PXK: variants seen among roughly 807,000 people sequenced by gnomAD.
The protein encoded by PXK is PX domain-containing protein kinase-like protein.
PXK carries 35 observed loss-of-function variants against 84.7 expected under a neutral mutation model. The ratio of observed to expected loss-of-function variants is 0.41; its 90% CI spans 0.32 to 0.55. PXK has a LOEUF of 0.55. Among genes scored for constraint, PXK ranks in the 20% least tolerant of loss-of-function variants. The probability of loss-of-function intolerance (pLI) is 0.21; values close to 1 mark genes in which losing one functional copy is unlikely to be tolerated. For missense variants in PXK, 634 were observed against 699.7 expected, an observed-to-expected ratio of 0.91 and a Z score of 1.06; for synonymous variants, 253 against 260.8, an observed-to-expected ratio of 0.97 and a Z score of 0.29.
chr3:58,382,509 T>TTA lies in PXK; in HGVS notation c.202-5_202-4insTA. On this transcript the variant is annotated splice_polypyrimidine_tract_variant and splice_region_variant and intron_variant, in intron 3 of 17. Coordinates refer to ENST00000356151, the MANE Select transcript of PXK (RefSeq NM_017771.5). ...GAGTGTAACTTTTTTTTTTTTTTTT[T>TTA]AAAGATTGCAGGCCTAAGTCTACCT... 7.9e-6 allele frequency: 12 copies of TTA among 1,512,778 alleles called. No individual in the cohort carries two copies. Among genetic ancestry groups the TTA allele is most frequent in the Middle Eastern group, 2.1e-4 (1 of 4,838 alleles). The allele number at this position is 1,512,778 out of a possible 1,614,324, so 93.7% of individuals were successfully genotyped here. A position where few individuals can be genotyped will look rare whatever the true frequency, so the allele number is the denominator to read the frequency against.
At chr3:58,343,227 T>A (rs1245744752) in intron 1 of PXK, among the ~76,000 whole-genome samples, 1 of 152,218 alleles carries the variant, frequency 6.6e-6, no homozygotes, top group Non-Finnish European at 1.5e-5. Context: ...GGGCAGGGAC[T>A]CATTGCACTT....
intron 1 of PXK, among the ~76,000 whole-genome samples, chr3:58,350,149 G>A (rs1436036910): frequency 1.3e-5 from 2 of 152,114 alleles, no homozygotes; most frequent in African/African-American, 4.8e-5. Flanking sequence ...TCCACTTTAG[G>A]CATGTTCTTA....
chr3:58,365,931 A>ATATT lies in PXK; in HGVS notation c.153+8_153+9insATTT. 1.3e-6 allele frequency: 2 copies of ATATT among 1,492,568 alleles called. No homozygotes were observed. Among genetic ancestry groups the ATATT allele is most frequent in the Non-Finnish European group, 1.8e-6 (2 of 1,124,888 alleles). The allele number at this position is 1,492,568 out of a possible 1,614,324, so 92.5% of individuals were successfully genotyped here. On this transcript the variant is annotated splice_region_variant and intron_variant, in intron 2 of 17. Transcript: ENST00000356151. Reference sequence around the variant, plus strand: ...TGTGGAAAACAGCTGGCAGGTAAGCATCTTTTTTTTTTTTTTTGTCAATTA... The same window carrying ATATT: ...TGTGGAAAACAGCTGGCAGGTAAGCATATTTCTTTTTTTTTTTTTTTGTCAATTA...
intron 7 of PXK, among the ~76,000 whole-genome samples, chr3:58,392,931 A>G (rs1322304829): frequency 6.6e-6 from 1 of 152,078 alleles, no homozygotes; most frequent in Non-Finnish European, 1.5e-5. Context: ...AAGTGCTGGG[A>G]TGACAGGTGT....
At chr3:58,382,919 A>G (rs11921259) in intron 4 of PXK, among the ~76,000 whole-genome samples, 42,538 of 152,228 alleles carry the variant, frequency 0.28, 6,965 homozygotes, top group Middle Eastern at 0.39. Flanking sequence ...GTCTGCACAG[A>G]AAAATATGGA....
intron 4 of PXK, among the ~76,000 whole-genome samples, chr3:58,384,948 C>A (rs914843044): frequency 3.9e-5 from 6 of 152,296 alleles, no homozygotes; most frequent in South Asian, 2.1e-4. Context: ...TCACCTAAGG[C>A]CCCCAGAGAG....
intron 1 of PXK, among the ~76,000 whole-genome samples, chr3:58,339,189 T>A (rs1383232547): frequency 6.6e-6 from 1 of 151,860 alleles, no homozygotes; most frequent in Non-Finnish European, 1.5e-5. Flanking sequence ...AGACGTTGGT[T>A]TTTTTGTTGT....
At chr3:58,394,273 C>T (rs187368806) in intron 7 of PXK, among the ~76,000 whole-genome samples, 30 of 152,292 alleles carry the variant, frequency 2.0e-4, no homozygotes, top group Non-Finnish European at 3.5e-4. Context: ...CCTGTCTGGA[C>T]CCAGTTTGTT....
chr3:58,379,680 G>A lies in PXK; in HGVS notation c.202-2834G>A, dbSNP rs1439238585. Among the ~76,000 whole-genome samples, 1 of 151,978 alleles carries A rather than the reference G, an allele frequency of 6.6e-6. No individual in the cohort carries two copies. Among genetic ancestry groups the A allele is most frequent in the Non-Finnish European group, 1.5e-5 (1 of 68,016 alleles). ...AGATAAGAAATGGTATTACATTCAA[G>A]GTGCTATTAAGGAAGAAAAAGAATA... is the stretch of plus-strand genomic sequence containing the variant. On this transcript the variant is annotated intron_variant, in intron 3 of 17. Coordinates refer to ENST00000356151, the MANE Select transcript of PXK (RefSeq NM_017771.5). This position sits in a 1 kb window ranked among gnomAD's most constrained non-coding sequence, Gnocchi z 5.1.
chr3:58,349,035 C>T (rs557062864), intron 1 of PXK, among the ~76,000 whole-genome samples: 9 of 152,068 alleles, frequency 5.9e-5, no homozygotes, highest in Admixed American at 2.6e-4. Flanking sequence ...GCTCAGTAGC[C>T]ACATATTGCT....
At position 58,409,556 on chromosome 3, in the gene PXK, A is replaced by G. The variant is rs1378773454; in HGVS notation, c.1333A>G (p.Arg445Gly). ...KQIHQHRRLT[R>G]AQSHHGSEEE... Reference sequence around the variant, plus strand: ...GATTCACCAGCATCGAAGACTGACAAGAGCTCAGTCCCACCATGGATCTGA... The same window carrying G: ...GATTCACCAGCATCGAAGACTGACAGGAGCTCAGTCCCACCATGGATCTGA... Residue 445 changes from arginine (R) to glycine (G), a missense_variant, in exon 15 of 18, where the codon AGA (arginine) becomes GGA (glycine). Arg to Gly is a moderately radical substitution (Grantham distance 125, BLOSUM62 -2). This residue lies in a region of PXK where 273 missense variants were observed against 283.6 expected (regional missense o/e 0.96). Transcript: ENST00000356151. This position sits in a 1 kb window ranked among gnomAD's most constrained non-coding sequence, Gnocchi z 4.2. The G allele has an allele frequency of 6.2e-7, 1 of 1,613,800 alleles. No homozygotes were observed. The highest frequency in any genetic ancestry group is 1.7e-5 in the Admixed American group (1 of 59,848).
rs973602561 is a variant in PXK, at chr3:58,346,861, C to T, written c.102+13771C>T. ...TTTTGGGAGGGTGGGGTGGGGGGCA[C>T]GGAGTCTGGCTCCGTCACCCAGGCT... On this transcript the variant is annotated intron_variant, in intron 1 of 17. Transcript: ENST00000356151. Among the ~76,000 whole-genome samples, 7 of 151,860 alleles carry T rather than the reference C, an allele frequency of 4.6e-5. No individual in the cohort carries two copies. The South Asian group carries it at 6.2e-4, about 14-fold the overall frequency.
chr3:58,413,184 C>T, intron 17 of PXK: 1 of 593,006 alleles, frequency 1.7e-6, no homozygotes, highest in Non-Finnish European at 3.0e-6. Context: ...TTCAGGGCCA[C>T]TAGCCACCCC....
At chr3:58,388,910 T>C (rs2098594744) in intron 4 of PXK, among the ~76,000 whole-genome samples, 1 of 152,082 alleles carries the variant, frequency 6.6e-6, no homozygotes, top group Non-Finnish European at 1.5e-5. Flanking sequence ...GCTTGGAATG[T>C]AATTAATGCT....
rs56384862 is a variant in PXK, at chr3:58,410,136, A to G, written c.1442A>G (p.Lys481Arg). 0.33 allele frequency: 527,003 copies of G among 1,593,960 alleles called. 94,487 individuals are homozygous for G. Among genetic ancestry groups the G allele is most frequent in the Middle Eastern group, 0.39 (2,364 of 6,010 alleles). Residue 481 changes from lysine (K) to arginine (R), a missense_variant, in exon 16 of 18, where the codon AAG (lysine) becomes AGG (arginine). Coordinates refer to ENST00000356151, the MANE Select transcript of PXK (RefSeq NM_017771.5). ...GAAAATAGTGAAGAGCATTCAGCGA[A>G]GTACAGCAACTCCAATAATTCAGGT... ...ALENSEEHSA[K>R]YSNSNNSAGS...
In PXK at chr3:58,364,705, C is replaced by T. The variant is rs762303636; in HGVS notation, c.103-1169C>T. Among the ~76,000 whole-genome samples the T allele has an allele frequency of 9.6e-4, 144 of 150,464 alleles. No homozygotes were observed. The highest frequency in any genetic ancestry group is 3.2e-3 in the African/African-American group (129 of 40,754). On this transcript the variant is annotated intron_variant, in intron 1 of 17. Transcript: ENST00000356151. This position sits in a 1 kb window ranked among gnomAD's most constrained non-coding sequence, Gnocchi z 4.3. ...CCAGCCTGGGTGACAGAGTGAGACTCGGTCTCAAAAAAAAAAAATCATTAT... is the reference window on the plus strand; with the variant it reads ...CCAGCCTGGGTGACAGAGTGAGACTTGGTCTCAAAAAAAAAAAATCATTAT...
intron 7 of PXK, among the ~76,000 whole-genome samples, chr3:58,392,664 CTT>C (rs35624263): frequency 7.8e-4 from 112 of 143,866 alleles, no homozygotes; most frequent in East Asian, 1.0e-3. Context: ...TTCTAAATTT[CTT>C]TTTTTTTTTT....
chr3:58,390,769 T>C lies in PXK; in HGVS notation c.466+110T>C. On this transcript the variant is annotated intron_variant, in intron 5 of 17. Transcript: ENST00000356151. The surrounding 1 kb of genome is among the most constrained non-coding windows in gnomAD (Gnocchi z 4.2). The stretch of plus-strand genomic sequence containing the variant: ...AACATGCTTAAATGCAGGTGACTTC[T>C]TTTTCTTTTTGCATATCAACTGCTT... The C allele has an allele frequency of 9.7e-7, 1 of 1,032,608 alleles. No individual in the cohort carries two copies. The highest frequency in any genetic ancestry group is 1.4e-6 in the Non-Finnish European group (1 of 715,636). 64.0% of individuals were successfully genotyped at this position (1,032,608 alleles called of 1,614,324 possible).
intron 1 of PXK, among the ~76,000 whole-genome samples, chr3:58,360,027 A>G (rs1309475923): frequency 6.6e-6 from 1 of 152,178 alleles, no homozygotes; most frequent in Non-Finnish European, 1.5e-5. Context: ...GCGCACCTGT[A>G]GTCCTAGCCA....
Sources: gnomAD v4.1 joint callset for allele counts (sites outside exome capture counted in the v4.1 genomes callset) on GRCh38, gnomAD v4.1.1 for gene constraint, gnomAD v4.1.1 regional missense constraint, Gnocchi (gnomAD v3.1) non-coding constraint, MANE v1.5 for transcripts, NCBI Gene and HGNC (gene_info 2026-07-23, HGNC 2026-07-21) for gene names.